The following HMCN1 variants were observed in gnomAD, a reference collection of about 807,000 sequenced individuals.
HMCN1 encodes hemicentin 1, also known as hemicentin-1.
HMCN1 carries 321 observed loss-of-function variants against 625.9 expected under a neutral mutation model. That is an observed-to-expected ratio of 0.51 (90% confidence interval 0.47 to 0.56). The LOEUF (loss-of-function observed/expected upper bound fraction) is 0.56. Ranked by LOEUF, HMCN1 falls within the 20% of genes least tolerant of loss-of-function variation. HMCN1 has a pLI of 0.00. For missense variants in HMCN1, 6,588 were observed against 6,887.3 expected (o/e 0.96, Z 1.54); for synonymous variants, 2,425 against 2,417.6 (o/e 1.00, Z -0.09).
Position 186,117,532 on chromosome 1 carries a change from T to C in HMCN1, c.11757T>C (p.Thr3919=), listed in dbSNP as rs974325202. 8.7e-6 allele frequency: 14 copies of C among 1,613,796 alleles called. No homozygotes were observed. Among genetic ancestry groups the C allele is most frequent in the Non-Finnish European group, 1.0e-5 (12 of 1,179,830 alleles). Residue 3919 remains threonine (T), a synonymous_variant, in exon 77 of 107, where the codon ACT becomes ACC. Coordinates refer to ENST00000271588, the MANE Select transcript of HMCN1 (RefSeq NM_031935.3). ...ATGCCCCAGCAGTAATTACCTGCAC[T>C]GCTTCGGGAGTTCCATTTCCCTCAA... ...TKHAPAVITC[T]ASGVPFPSIH...
intron 39 of HMCN1, 101 bp from the exon 40 acceptor site, chr1:186,040,912 C>G (rs551062773): frequency 1.1e-5 from 14 of 1,291,276 alleles, no homozygotes; most frequent in Non-Finnish European, 1.6e-5. Context: ...TCCTAAAAGG[C>G]AAATGTCAAC....
At chr1:185,974,995 A>T (rs960042598) in intron 15 of HMCN1, among the ~76,000 whole-genome samples, 6 of 152,172 alleles carry the variant, frequency 3.9e-5, no homozygotes, top group African/African-American at 1.4e-4. Context: ...ATGTGTCAGT[A>T]AACTGGGTAT....
rs149276919 is a variant in HMCN1, at chr1:185,858,120, G to A, written c.340-6350G>A. Among the ~76,000 whole-genome samples, 464 of 152,134 alleles carry A rather than the reference G, an allele frequency of 3.0e-3. 5 individuals carry two copies. The highest frequency in any genetic ancestry group is 3.5e-3 in the African/African-American group (147 of 41,490). ...AAGGATTTTCAGAAGTTAGTACTCCGTCAATAAAACATGTTAAAAGTGATA... is the reference window on the plus strand; with the variant it reads ...AAGGATTTTCAGAAGTTAGTACTCCATCAATAAAACATGTTAAAAGTGATA... On this transcript the variant is annotated intron_variant, in intron 2 of 106. Transcript: ENST00000271588.
chr1:185,757,945 G>T lies in HMCN1; in HGVS notation c.268+22898G>T, dbSNP rs1655239948. ...TATATCCTCTACTCCACTGTAGGAT[G>T]CTGGAGGGCAGAATTGAAGGCAAAA... On this transcript the variant is annotated intron_variant, in intron 1 of 106. Transcript: ENST00000271588. Among the ~76,000 whole-genome samples, 3 of 152,280 alleles carry T rather than the reference G, an allele frequency of 2.0e-5. No individual in the cohort carries two copies. In the East Asian group the frequency reaches 5.8e-4, roughly 29 times the overall value.
intron 1 of HMCN1, among the ~76,000 whole-genome samples, chr1:185,766,506 C>T (rs774978976): frequency 2.6e-5 from 4 of 152,054 alleles, no homozygotes; most frequent in African/African-American, 4.8e-5. Flanking sequence ...GGAAACTGCA[C>T]GAGTAGTCAT....
chr1:185,852,577 TACACACACACACACACACACACAC>T (rs67719442), intron 2 of HMCN1, among the ~76,000 whole-genome samples: 3 of 135,514 alleles, frequency 2.2e-5, no homozygotes, highest in Admixed American at 1.5e-4. Flanking sequence ...ACAAATATCC[TACACACACACACACACACACACAC>T]ACACACACAC....
chr1:186,137,657 A>C lies in HMCN1; in HGVS notation c.13742A>C (p.Lys4581Thr). The change falls in exon 88 of 107, where the codon AAG becomes ACG. Residue 4581 changes from lysine (K) to threonine (T), a missense_variant. Physicochemically the swap from Lys to Thr is moderately conservative, Grantham distance 78 (BLOSUM62 -1). This residue lies in a region of HMCN1 where 1,954 missense variants were observed against 2,013.1 expected (regional missense o/e 0.97). Coordinates refer to ENST00000271588, the MANE Select transcript of HMCN1 (RefSeq NM_031935.3). ...SDLEMRNCQN[K>T]PCPVDGSWSE... ...TTGGAAATGCGAAACTGTCAAAATA[A>C]GCCTTGTCCAGGTACACCTCCTTAT... The C allele has an allele frequency of 6.2e-7, 1 of 1,614,060 alleles. No homozygotes were observed. The highest frequency in any genetic ancestry group is 2.2e-5 in the East Asian group (1 of 44,884).
chr1:185,773,378 A>G (rs367682956), intron 1 of HMCN1, among the ~76,000 whole-genome samples: 22 of 152,334 alleles, frequency 1.4e-4, no homozygotes, highest in African/African-American at 5.3e-4. Context: ...CCAATCATTC[A>G]TTTGGGAATG....
intron 70 of HMCN1, 74 bp from the exon 71 acceptor site, chr1:186,108,386 AT>A: frequency 6.2e-7 from 1 of 1,606,614 alleles, no homozygotes; most frequent in Non-Finnish European, 8.5e-7. Flanking sequence ...TTATTATTTC[AT>A]ATAGCAGAAC....
chr1:186,128,959 G>GT (rs11446859), intron 83 of HMCN1, among the ~76,000 whole-genome samples: 69,250 of 151,708 alleles, frequency 0.46, 16,942 homozygotes, highest in African/African-American at 0.61. Flanking sequence ...AAGCTTGAGA[G>GT]TTTTTTTCTA....
At chr1:185,747,141 A>G (rs1009268362) in intron 1 of HMCN1, among the ~76,000 whole-genome samples, 5 of 152,066 alleles carry the variant, frequency 3.3e-5, no homozygotes, top group Non-Finnish European at 7.4e-5. Flanking sequence ...TACTAGGGAA[A>G]CTCAGTTTAT....
intron 97 of HMCN1, among the ~76,000 whole-genome samples, chr1:186,156,428 C>CTGTT (rs1651025129): frequency 6.6e-6 from 1 of 152,128 alleles, no homozygotes; most frequent in South Asian, 2.1e-4. Flanking sequence ...TGTGAAGAAA[C>CTGTT]TGTTTACCCT....
intron 1 of HMCN1, among the ~76,000 whole-genome samples, chr1:185,792,320 G>A (rs930383481): frequency 1.3e-5 from 2 of 152,082 alleles, no homozygotes; most frequent in African/African-American, 2.4e-5. Context: ...AGGTTTTAAT[G>A]GACTGACATA....
intron 4 of HMCN1, 150 bp downstream of exon 4, chr1:185,866,013 G>C: frequency 1.4e-6 from 1 of 703,840 alleles, no homozygotes; most frequent in Non-Finnish European, 2.4e-6. Flanking sequence ...ATTGAATAAT[G>C]TGAAGAAATA....
intron 1 of HMCN1, among the ~76,000 whole-genome samples, chr1:185,792,557 A>T (rs185599453): frequency 0.058 from 8,733 of 151,172 alleles, 778 homozygotes; most frequent in African/African-American, 0.2. Context: ...GTGCATTTTT[A>T]AAAAAAAAGT....
At chr1:186,146,527 T>C (rs1434494834) in intron 93 of HMCN1, among the ~76,000 whole-genome samples, 1 of 152,156 alleles carries the variant, frequency 6.6e-6, no homozygotes, top group African/African-American at 2.4e-5. Flanking sequence ...CAATAACGGT[T>C]TTATATTGTT....
rs150080274 is a variant in HMCN1, at chr1:185,977,856, G to A, written c.2441G>A (p.Cys814Tyr). The change falls in exon 16 of 107, where the codon TGT (cysteine) becomes TAT (tyrosine). Residue 814 changes from cysteine (C) to tyrosine (Y), a missense_variant. By Grantham distance (194) the Cys-to-Tyr change is radical. Coordinates refer to ENST00000271588, the MANE Select transcript of HMCN1 (RefSeq NM_031935.3). ...ATTGGCTCAAATGTGACATTACCTT[G>A]TTATGTTCAGGGTTATCCAGAACCA... ...MEIGSNVTLP[C>Y]YVQGYPEPTI... 6.2e-7 allele frequency: 1 copy of A among 1,613,094 alleles called. No individual in the cohort carries two copies. Among genetic ancestry groups the A allele is most frequent in the South Asian group, 1.1e-5 (1 of 91,060 alleles).
At position 185,928,618 on chromosome 1, in the gene HMCN1, T is replaced by C. The variant is rs1014759026; in HGVS notation, c.1503T>C (p.Ala501=). 9.3e-6 allele frequency: 15 copies of C among 1,613,600 alleles called. No individual in the cohort carries two copies. The highest frequency in any genetic ancestry group is 1.2e-5 in the Non-Finnish European group (14 of 1,179,510). ...ACGAAGGTTTCTATGAATGCATTGC[T>C]GTCAGCAGTGCAGGTACTGGACGGG... ...LSDEGFYECI[A]VSSAGTGRAQ... Residue 501 remains alanine (A), a synonymous_variant, in exon 10 of 107, where the codon GCT becomes GCC. Transcript: ENST00000271588.
chr1:185,918,996 C>T (rs1187306153), intron 6 of HMCN1, among the ~76,000 whole-genome samples: 1 of 151,560 alleles, frequency 6.6e-6, no homozygotes, highest in African/African-American at 2.4e-5. Context: ...ATATAACCCA[C>T]AGGTTGAATC....
Sources: gnomAD v4.1 joint callset for allele counts (sites outside exome capture counted in the v4.1 genomes callset) on GRCh38, gnomAD v4.1.1 for gene constraint, gnomAD v4.1.1 regional missense constraint, MANE v1.5 for transcripts, NCBI Gene and HGNC (gene_info 2026-07-23, HGNC 2026-07-21) for gene names.